SLC14A2: variants seen among roughly 807,000 people sequenced by gnomAD.
SLC14A2 encodes urea transporter 2.
SLC14A2 carries 91 observed loss-of-function variants against 104.6 expected under a neutral mutation model. That is an observed-to-expected ratio of 0.87 (90% CI 0.73 to 1.04). The LOEUF (loss-of-function observed/expected upper bound fraction) is 1.04, where lower values mean the gene tolerates loss of function less well. Ranked by LOEUF, SLC14A2 falls within the 50% of genes least tolerant of loss-of-function variation. The pLI, the probability that SLC14A2 is intolerant of heterozygous loss-of-function variation, is 0.00. For missense variants in SLC14A2, 1,189 were observed against 1,156.0 expected (o/e 1.03, Z -0.41); for synonymous variants, 476 against 466.4 (o/e 1.02, Z -0.27).
intron 1 of SLC14A2, among the ~76,000 whole-genome samples, chr18:45,405,397 G>C (rs1014014616): frequency 1.3e-5 from 2 of 152,174 alleles, no homozygotes; most frequent in Non-Finnish European, 2.9e-5. Flanking sequence ...TGCTGAAACA[G>C]AAGTCAGCAG....
chr18:45,643,775 C>T (rs772335648), intron 9 of SLC14A2, among the ~76,000 whole-genome samples: 13 of 152,188 alleles, frequency 8.5e-5, no homozygotes, highest in South Asian at 2.1e-4. Flanking sequence ...CCTTGGCCTC[C>T]CAAAGTGCTG....
At chr18:45,199,552 G>A in the SLC14A2 span, among the ~76,000 whole-genome samples, 1 of 151,932 alleles carries the variant, frequency 6.6e-6, no homozygotes, top group Non-Finnish European at 1.5e-5. Context: ...TTTCTTTGAG[G>A]ATTTCACAGA....
In SLC14A2 at chr18:45,479,913, C is replaced by T. The variant is rs149113977; in HGVS notation, c.-124-3320C>T. Among the ~76,000 whole-genome samples, 20 of 152,252 alleles carry T rather than the reference C, an allele frequency of 1.3e-4. No individual in the cohort carries two copies. In the East Asian group the frequency reaches 3.3e-3, roughly 25 times the overall value. On this transcript the variant is annotated intron_variant, in intron 1 of 20. Coordinates refer to the SLC14A2 transcript ENST00000586448. Reference sequence around the variant, plus strand: ...CTCTGGGAAATGGAACATTGCAAGACGTGAACATTTATTGCACCTCTCGTA... The same window carrying T: ...CTCTGGGAAATGGAACATTGCAAGATGTGAACATTTATTGCACCTCTCGTA...
chr18:45,569,712 C>T (rs996895412), intron 2 of SLC14A2, among the ~76,000 whole-genome samples: 12 of 152,170 alleles, frequency 7.9e-5, no homozygotes, highest in Non-Finnish European at 1.6e-4. Flanking sequence ...TTAGCTGGCT[C>T]ATTAAATAAT....
chr18:45,588,940 T>C (rs1462040495), intron 2 of SLC14A2, among the ~76,000 whole-genome samples: 1 of 146,708 alleles, frequency 6.8e-6, no homozygotes, highest in East Asian at 2.0e-4. Context: ...TCTGTTTAGA[T>C]TGTGGTTGTC....
chr18:45,403,121 A>T (rs1483853410), intron 1 of SLC14A2, among the ~76,000 whole-genome samples: 2 of 152,164 alleles, frequency 1.3e-5, no homozygotes, highest in African/African-American at 4.8e-5. Context: ...GTTTCTGGTG[A>T]AGACTCCCTT....
the SLC14A2 span, chr18:45,181,372 C>G: frequency 3.3e-5 from 5 of 152,212 alleles, no homozygotes; most frequent in Non-Finnish European, 5.9e-5. Context: ...AAGTGCCACT[C>G]CCTGCTCAGG....
At chr18:45,550,643 C>T (rs1229485918) in intron 2 of SLC14A2, among the ~76,000 whole-genome samples, 3 of 152,106 alleles carry the variant, frequency 2.0e-5, no homozygotes, top group East Asian at 1.9e-4. Flanking sequence ...TCATGGCTCT[C>T]GACAGAGAGT....
intron 2 of SLC14A2, among the ~76,000 whole-genome samples, chr18:45,576,511 C>G (rs1236087278): frequency 6.6e-6 from 1 of 151,902 alleles, no homozygotes; most frequent in African/African-American, 2.4e-5. Context: ...TCTCGAACTC[C>G]TGACCTCATG....
At chr18:45,410,244 T>G (rs1031913187) in intron 1 of SLC14A2, among the ~76,000 whole-genome samples, 1 of 152,222 alleles carries the variant, frequency 6.6e-6, no homozygotes, top group African/African-American at 2.4e-5. Flanking sequence ...TTCTGCTGTG[T>G]GGTCCGGTTT....
chr18:45,278,398 C>T (rs996292688), intron 1 of SLC14A2, among the ~76,000 whole-genome samples: 4 of 152,164 alleles, frequency 2.6e-5, no homozygotes, highest in Admixed American at 6.5e-5. Flanking sequence ...TAGCACCCAC[C>T]GGTTGTCAAA....
intron 1 of SLC14A2, among the ~76,000 whole-genome samples, chr18:45,229,961 C>A (rs1272974079): frequency 1.3e-5 from 2 of 152,192 alleles, no homozygotes; most frequent in Non-Finnish European, 2.9e-5. Context: ...TATTCTCAGG[C>A]CTCTGTTTCC....
rs60977948 is a variant in SLC14A2 at position 45,542,035 on chromosome 18, G to GTTTTTTTTTTTTTT, written c.-35+58737_-35+58750dup. On this transcript the variant is annotated intron_variant, in intron 2 of 20. Transcript: ENST00000586448. Reference sequence around the variant, plus strand: ...GGGCTTGTTAGATGAAAGAGAGAGGGTTTTTTTTTTTTTTTTTTTTTTTTT... The same window carrying GTTTTTTTTTTTTTT: ...GGGCTTGTTAGATGAAAGAGAGAGGGTTTTTTTTTTTTTTTTTTTTTTTTTTTTTTTTTTTTTTT... Among the ~76,000 whole-genome samples, 48 of 54,228 alleles carry GTTTTTTTTTTTTTT rather than the reference G, an allele frequency of 8.9e-4. 6 individuals carry two copies. Among genetic ancestry groups the GTTTTTTTTTTTTTT allele is most frequent in the East Asian group, 4.2e-3 (5 of 1,204 alleles). The allele number at this position is 54,228 out of a possible 152,430, so 35.6% of individuals were successfully genotyped here.
chr18:45,235,268 T>TA (rs2084213512), intron 1 of SLC14A2, among the ~76,000 whole-genome samples: 1 of 152,222 alleles, frequency 6.6e-6, no homozygotes, highest in Admixed American at 6.5e-5. Context: ...TTCTTTTCAT[T>TA]AAAATGCTTT....
intron 14 of SLC14A2, 100 bp from the exon 15 acceptor site, chr18:45,668,249 T>A: frequency 6.7e-7 from 1 of 1,492,966 alleles, no homozygotes; most frequent in Non-Finnish European, 9.1e-7. Flanking sequence ...TTTGAAGGCG[T>A]GTGTAGTCAG....
intron 6 of SLC14A2, among the ~76,000 whole-genome samples, chr18:45,637,529 G>C (rs2045440058): frequency 6.6e-6 from 1 of 152,166 alleles, no homozygotes; most frequent in Non-Finnish European, 1.5e-5. Context: ...AAAGATATTA[G>C]ATAAAATGTA....
At chr18:45,339,747 G>A (rs889117181) in intron 1 of SLC14A2, among the ~76,000 whole-genome samples, 1 of 152,226 alleles carries the variant, frequency 6.6e-6, no homozygotes, top group Middle Eastern at 3.2e-3. Context: ...TGGCAGATTG[G>A]TGATGCATTG....
Position 45,667,160 on chromosome 18 carries a change from A to T in SLC14A2, c.1717+66A>T, listed in dbSNP as rs1301437836. ...ACTCACCTCCACCCATCCCCAGGAA[A>T]CCCATTGCCATGGGGGTTCCCTATA... On this transcript the variant is annotated intron_variant, in intron 13 of 19. Coordinates refer to ENST00000255226, the MANE Select transcript of SLC14A2 (RefSeq NM_007163.4). 2.9e-6 allele frequency: 4 copies of T among 1,369,904 alleles called. No homozygotes were observed. In the African/African-American group the frequency reaches 5.7e-5, roughly 20 times the overall value. The allele number at this position is 1,369,904 out of a possible 1,614,324, so 84.9% of individuals were successfully genotyped here. A position where few individuals can be genotyped will look rare whatever the true frequency, so the allele number is the denominator to read the frequency against.
chr18:45,414,894 A>C (rs937119427), intron 1 of SLC14A2, among the ~76,000 whole-genome samples: 4 of 150,110 alleles, frequency 2.7e-5, no homozygotes, highest in African/African-American at 9.8e-5. Flanking sequence ...AGAGCTCCTC[A>C]CATACTAAGT....
Sources: allele counts gnomAD v4.1 joint callset (sites outside exome capture counted in the v4.1 genomes callset), GRCh38; gene constraint gnomAD v4.1.1; transcripts MANE v1.5; gene names NCBI Gene and HGNC (gene_info 2026-07-23, HGNC 2026-07-21).